The following SIPA1L3 variants were observed in gnomAD, a reference collection of about 807,000 sequenced individuals.
SIPA1L3 encodes the protein signal induced proliferation associated 1 like 3.
In SIPA1L3, 59 loss-of-function variants were observed where a neutral mutation model predicts 150.1. The observed-to-expected ratio is 0.39, with a 90% CI of 0.32 to 0.49. The LOEUF (loss-of-function observed/expected upper bound fraction) is 0.49. SIPA1L3 is among the 20% of genes least tolerant of loss of function. SIPA1L3 has a pLI of 0.86. For missense variants in SIPA1L3, 2,211 were observed against 2,489.5 expected, an observed-to-expected ratio of 0.89 and a Z score of 2.38; for synonymous variants, 1,070 against 1,077.6, an observed-to-expected ratio of 0.99 and a Z score of 0.14.
chr19:38,180,654 C>T (rs1388971547), intron 15 of SIPA1L3, among the ~76,000 whole-genome samples: 1 of 151,584 alleles, frequency 6.6e-6, no homozygotes, highest in African/African-American at 2.4e-5. Flanking sequence ...AGCGATTCTC[C>T]TGCTTCAGCC....
chr19:37,955,619 A>G (rs533135561), intron 1 of SIPA1L3, among the ~76,000 whole-genome samples: 18 of 152,330 alleles, frequency 1.2e-4, no homozygotes, highest in African/African-American at 4.1e-4. Context: ...ACATGCAGTC[A>G]TACAGTATGT....
intron 1 of SIPA1L3, among the ~76,000 whole-genome samples, chr19:37,962,058 G>T (rs371456171): frequency 2.0e-5 from 3 of 151,468 alleles, no homozygotes; most frequent in Non-Finnish European, 4.4e-5. Flanking sequence ...CTTGTAAGCC[G>T]TCTAGAAGGC....
chr19:37,969,620 C>T (rs1005597028), intron 1 of SIPA1L3, among the ~76,000 whole-genome samples: 7 of 152,110 alleles, frequency 4.6e-5, no homozygotes, highest in African/African-American at 4.8e-5. Context: ...TAAGGTCCCC[C>T]GTGATGCAGC....
At chr19:38,166,763 C>T (rs935044649) in intron 15 of SIPA1L3, among the ~76,000 whole-genome samples, 2 of 152,068 alleles carry the variant, frequency 1.3e-5, no homozygotes, top group African/African-American at 4.8e-5. Flanking sequence ...GCCATCAGGG[C>T]TCAGAACCTG....
Position 38,014,169 on chromosome 19 carries a change from A to C in SIPA1L3, c.-378-14920A>C, listed in dbSNP as rs114574803. Among the ~76,000 whole-genome samples, 1,207 of 152,324 alleles carry C rather than the reference A, an allele frequency of 7.9e-3. 13 individuals carry two copies. Among genetic ancestry groups the C allele is most frequent in the African/African-American group, 0.028 (1,167 of 41,576 alleles). ...CCACCCAGCCACAGGTGGAGAGCCC[A>C]TGGCATTCGTGCTGGTAAATGCTCA... On this transcript the variant is annotated intron_variant, in intron 1 of 21. Coordinates refer to ENST00000222345, the MANE Select transcript of SIPA1L3 (RefSeq NM_015073.3).
intron 1 of SIPA1L3, among the ~76,000 whole-genome samples, chr19:37,980,703 G>T (rs1967181932): frequency 6.6e-6 from 1 of 152,214 alleles, no homozygotes; most frequent in Non-Finnish European, 1.5e-5. Context: ...GCTCACCCGG[G>T]TGTGGGGTTC....
intron 12 of SIPA1L3, among the ~76,000 whole-genome samples, chr19:38,148,712 G>A (rs1180689094): frequency 6.6e-6 from 1 of 152,160 alleles, no homozygotes; most frequent in South Asian, 2.1e-4. Context: ...GGCCAAGAGG[G>A]AAGCTCAAGC....
chr19:38,161,023 T>A (rs1016938907), intron 13 of SIPA1L3, among the ~76,000 whole-genome samples: 1 of 152,072 alleles, frequency 6.6e-6, no homozygotes, highest in African/African-American at 2.4e-5. Context: ...TAGGACAGTG[T>A]TTATTATTAT....
intron 2 of SIPA1L3, among the ~76,000 whole-genome samples, chr19:38,043,020 A>G (rs1599945657): frequency 2.0e-5 from 3 of 152,126 alleles, no homozygotes; most frequent in African/African-American, 4.8e-5. Context: ...ACATCATAAT[A>G]TGGTTGTGGG....
chr19:38,067,679 T>G (rs1011719273), intron 2 of SIPA1L3, among the ~76,000 whole-genome samples: 1 of 151,788 alleles, frequency 6.6e-6, no homozygotes, highest in Non-Finnish European at 1.5e-5. Context: ...GAAGAATCGC[T>G]TGAACCCCGG....
chr19:38,171,627 G>A (rs1161212336), intron 15 of SIPA1L3, among the ~76,000 whole-genome samples: 1 of 151,572 alleles, frequency 6.6e-6, no homozygotes, highest in Non-Finnish European at 1.5e-5. Context: ...TCCTGACCTC[G>A]GGTGACCCAC....
chr19:38,204,226 G>C lies in SIPA1L3; in HGVS notation c.5202+18G>C. 6.5e-7 allele frequency: 1 copy of C among 1,547,448 alleles called. No individual in the cohort carries two copies. The highest frequency in any genetic ancestry group is 1.2e-5 in the South Asian group (1 of 84,158). On this transcript the variant is annotated intron_variant, in intron 21 of 21. Coordinates refer to ENST00000222345, the MANE Select transcript of SIPA1L3 (RefSeq NM_015073.3). ...TGCAGAAGGTAAGGCCGGGGGCCACGCCCTCTCCATCCCACTTCCCAGACA... is the reference window on the plus strand; with the variant it reads ...TGCAGAAGGTAAGGCCGGGGGCCACCCCCTCTCCATCCCACTTCCCAGACA...
At chr19:37,928,032 A>C (rs2046521919) in intron 1 of SIPA1L3, among the ~76,000 whole-genome samples, 1 of 152,124 alleles carries the variant, frequency 6.6e-6, no homozygotes, top group Non-Finnish European at 1.5e-5. Flanking sequence ...GTAGGAGTGC[A>C]GGTGTCGTTT....
chr19:38,089,939 G>A (rs1013495862), intron 4 of SIPA1L3, among the ~76,000 whole-genome samples: 2 of 152,054 alleles, frequency 1.3e-5, no homozygotes, highest in African/African-American at 2.4e-5. Context: ...TTTGCATCGC[G>A]AGTGTCATTT....
intron 16 of SIPA1L3, among the ~76,000 whole-genome samples, chr19:38,184,071 A>G (rs1319356172): frequency 6.6e-6 from 1 of 152,134 alleles, no homozygotes; most frequent in Non-Finnish European, 1.5e-5. Flanking sequence ...AGGAGCTAAC[A>G]TTGCCTGAGC....
intron 16 of SIPA1L3, among the ~76,000 whole-genome samples, chr19:38,189,999 T>C (rs8101927): frequency 0.058 from 8,810 of 152,208 alleles, 857 homozygotes; most frequent in African/African-American, 0.19. Flanking sequence ...GGCCCTTTCC[T>C]GGCTGGGGGC....
intron 1 of SIPA1L3, among the ~76,000 whole-genome samples, chr19:37,985,589 G>A (rs141946212): frequency 0.01 from 1,557 of 152,324 alleles, 16 homozygotes; most frequent in Non-Finnish European, 0.016. Flanking sequence ...GAAGGGGTCT[G>A]TCCGAGGAGG....
At chr19:37,993,147 G>A (rs929153634) in intron 1 of SIPA1L3, among the ~76,000 whole-genome samples, 4 of 152,142 alleles carry the variant, frequency 2.6e-5, no homozygotes, top group African/African-American at 9.7e-5. Context: ...TGTCAGGTCT[G>A]AGTTATGAGA....
chr19:37,945,541 A>AT (rs946665500), intron 1 of SIPA1L3, among the ~76,000 whole-genome samples: 20 of 151,348 alleles, frequency 1.3e-4, no homozygotes, highest in African/African-American at 3.6e-4. Flanking sequence ...CCAGCCAGCT[A>AT]TTTTTTTTTA....
Sources: allele counts gnomAD v4.1 joint callset (sites outside exome capture counted in the v4.1 genomes callset), GRCh38; gene constraint gnomAD v4.1.1; transcripts MANE v1.5; gene names NCBI Gene and HGNC (gene_info 2026-07-23, HGNC 2026-07-21).